CUL9: variants seen among roughly 807,000 people sequenced by gnomAD.
The protein encoded by CUL9 is cullin-9.
CUL9 carries 79 observed loss-of-function variants against 272.6 expected under a neutral mutation model. That is an observed-to-expected ratio of 0.29 (90% CI 0.24 to 0.35). The LOEUF (loss-of-function observed/expected upper bound fraction) is 0.35. CUL9 is among the 10% of genes least tolerant of loss of function. The probability of loss-of-function intolerance (pLI) is 1.00; values close to 1 mark genes in which losing one functional copy is unlikely to be tolerated. For synonymous variants in CUL9, 1,186 were observed against 1,286.5 expected (o/e 0.92, Z 1.67); for missense variants, 2,532 against 3,255.6 (o/e 0.78, Z 5.41).
In CUL9 at chr6:43,206,190, C is replaced by G; in HGVS notation, c.4977C>G (p.Phe1659Leu). The change falls in exon 25 of 41, where the codon TTC (phenylalanine) becomes TTG (leucine). Residue 1659 changes from phenylalanine (F) to leucine (L), a missense_variant. Physicochemically the swap from Phe to Leu is conservative, Grantham distance 22. Coordinates refer to ENST00000252050, the MANE Select transcript of CUL9 (RefSeq NM_015089.4). The surrounding 1 kb of genome is among the most constrained non-coding windows in gnomAD (Gnocchi z 4.8). Reference protein sequence around the residue: ...LFQLQRLDKLFLEQEDEEEKR... With the variant: ...LFQLQRLDKLLLEQEDEEEKR... The stretch of plus-strand genomic sequence containing the variant: ...AGCTCCAGCGGCTCGACAAGTTGTT[C>G]TTGGAGCAGGAAGATGAGGAGGAAA... 6.2e-7 allele frequency: 1 copy of G among 1,612,786 alleles called. No individual in the cohort carries two copies. Among genetic ancestry groups the G allele is most frequent in the Non-Finnish European group, 8.5e-7 (1 of 1,179,506 alleles).
At position 43,184,364 on chromosome 6, in the gene CUL9, G is replaced by A; in HGVS notation, c.54G>A (p.Leu18=). 1.3e-6 allele frequency: 2 copies of A among 1,595,670 alleles called. No homozygotes were observed. Among genetic ancestry groups the A allele is most frequent in the Non-Finnish European group, 1.7e-6 (2 of 1,167,938 alleles). The change falls in exon 2 of 41, where the codon CTG becomes CTA. Residue 18 remains leucine, a synonymous_variant. Coordinates refer to ENST00000252050, the MANE Select transcript of CUL9 (RefSeq NM_015089.4). The surrounding 1 kb of genome is among the most constrained non-coding windows in gnomAD (Gnocchi z 4.8). ...TCATGGTGCCCTTAGGGCCTCGGCT[G>A]CAGGCATATCCTGAAGAACTCATTC... The part of the protein sequence containing the change: ...GDLMVPLGPR[L]QAYPEELIRQ...
chr6:43,187,470 T>G, intron 6 of CUL9, 31 bp downstream of exon 6: 1 of 1,604,582 alleles, frequency 6.2e-7, no homozygotes, highest in Non-Finnish European at 8.5e-7. Flanking sequence ...CTGGGGGTTT[T>G]CTAGTAGGGT....
chr6:43,223,038 T>C lies in CUL9; in HGVS notation c.7150+142T>C, dbSNP rs1776501085. ...CATTCTTCATGGCCTTCTCACTGCC[T>C]GGCTGTTAAAGCTCAGGTCGAAAGC... On this transcript the variant is annotated intron_variant, in intron 38 of 40. Coordinates refer to ENST00000252050, the MANE Select transcript of CUL9 (RefSeq NM_015089.4). This position sits in a 1 kb window ranked among gnomAD's most constrained non-coding sequence, Gnocchi z 4.1. 15 of 900,860 alleles carry C rather than the reference T, an allele frequency of 1.7e-5. No individual in the cohort carries two copies. The highest frequency in any genetic ancestry group is 2.4e-5 in the Admixed American group (1 of 41,374). The allele number at this position is 900,860 out of a possible 1,614,324, so 55.8% of individuals were successfully genotyped here. A position where few individuals can be genotyped will look rare whatever the true frequency, so the allele number is the denominator to read the frequency against.
chr6:43,208,336 G>C (rs537837359), intron 26 of CUL9, among the ~76,000 whole-genome samples: 17 of 152,310 alleles, frequency 1.1e-4, no homozygotes, highest in African/African-American at 4.1e-4. Flanking sequence ...CTCCCGATTA[G>C]CTGGGATTAC....
chr6:43,221,841 C>A lies in CUL9; in HGVS notation c.6846+63C>A. 5 of 1,427,012 alleles carry A rather than the reference C, an allele frequency of 3.5e-6. No individual in the cohort carries two copies. Among genetic ancestry groups the A allele is most frequent in the South Asian group, 1.2e-5 (1 of 85,162 alleles). 88.4% of individuals were successfully genotyped at this position (1,427,012 alleles called of 1,614,324 possible). On this transcript the variant is annotated intron_variant, in intron 35 of 40. Transcript: ENST00000252050. This position sits in a 1 kb window ranked among gnomAD's most constrained non-coding sequence, Gnocchi z 4.2. ...AGCCGTCGGGGAGGGGTGCTGCTAC[C>A]AGGTCCTGGGCAGACAGGGCTCCTT...
intron 36 of CUL9, 46 bp from the exon 37 acceptor site, chr6:43,222,485 G>A: frequency 2.5e-6 from 4 of 1,609,272 alleles, no homozygotes; most frequent in Non-Finnish European, 3.4e-6. Flanking sequence ...CGGGCAGGTG[G>A]TGCTGCGCCA....
chr6:43,221,420 G>C lies in CUL9; in HGVS notation c.6752+99G>C. On this transcript the variant is annotated intron_variant, in intron 34 of 40. Transcript: ENST00000252050. This position sits in a 1 kb window ranked among gnomAD's most constrained non-coding sequence, Gnocchi z 4.2. ...GGGCTTAGTGTAAAGCTCAGCAAAA[G>C]AGGGTGGTTCCTCAGCCGCCCCTCA... 1 of 1,406,186 alleles carries C rather than the reference G, an allele frequency of 7.1e-7. No individual in the cohort carries two copies. The highest frequency in any genetic ancestry group is 9.5e-7 in the Non-Finnish European group (1 of 1,055,528). 87.1% of individuals were successfully genotyped at this position (1,406,186 alleles called of 1,614,324 possible).
At position 43,223,350 on chromosome 6, in the gene CUL9, C is replaced by T. The variant is rs749988405; in HGVS notation, c.7237C>T (p.Arg2413Trp). 4.4e-6 allele frequency: 7 copies of T among 1,601,652 alleles called. No individual in the cohort carries two copies. The highest frequency in any genetic ancestry group is 6.0e-6 in the Non-Finnish European group (7 of 1,173,986). Reference sequence around the variant, plus strand: ...CCTCAGCACGGGCATGGAGCTGCTCCGGCGGATCCAGGAGAGGCTGCTTGC... The same window carrying T: ...CCTCAGCACGGGCATGGAGCTGCTCTGGCGGATCCAGGAGAGGCTGCTTGC... ...DCLSTGMELL[R>W]RIQERLLAIL... Residue 2413 changes from arginine (R) to tryptophan (W), a missense_variant, in exon 39 of 41, where the codon CGG becomes TGG. By Grantham distance (101) the Arg-to-Trp change is moderately radical. Around this residue, in one of 3 missense-constraint regions of CUL9, gnomAD observed 237 missense variants for 305.9 expected, o/e 0.77. Coordinates refer to ENST00000252050, the MANE Select transcript of CUL9 (RefSeq NM_015089.4). This position sits in a 1 kb window ranked among gnomAD's most constrained non-coding sequence, Gnocchi z 4.1.
At position 43,206,059 on chromosome 6, in the gene CUL9, G is replaced by C; in HGVS notation, c.4846G>C (p.Ala1616Pro). ...LSFGSSWLEGAVLEQIGLCFP... is the reference protein window; with the variant it reads ...LSFGSSWLEGPVLEQIGLCFP... ...CTTTGGTTCGAGCTGGCTGGAGGGG[G>C]CTGTGCTAGAGCAGATTGGCCTCTG... is the stretch of plus-strand genomic sequence containing the variant. Residue 1616 changes from alanine to proline, a missense_variant, in exon 25 of 41, where the codon GCT becomes CCT. Ala to Pro is a conservative substitution (Grantham distance 27, BLOSUM62 -1). Transcript: ENST00000252050. This position sits in a 1 kb window ranked among gnomAD's most constrained non-coding sequence, Gnocchi z 4.8. The C allele has an allele frequency of 6.2e-7, 1 of 1,614,156 alleles. No homozygotes were observed. Among genetic ancestry groups the C allele is most frequent in the Non-Finnish European group, 8.5e-7 (1 of 1,180,020 alleles).
chr6:43,216,446 C>T lies in CUL9; in HGVS notation c.6225C>T (p.Ser2075=), dbSNP rs1262249986. The T allele has an allele frequency of 1.2e-6, 2 of 1,607,900 alleles. No individual in the cohort carries two copies. Among genetic ancestry groups the T allele is most frequent in the East Asian group, 2.2e-5 (1 of 44,656 alleles). ...CTGACCACTGCCCCGTCTGTGTGAGCCCCCTGGGGTGTGACGACGACCTGC... is the reference window on the plus strand; with the variant it reads ...CTGACCACTGCCCCGTCTGTGTGAGTCCCCTGGGGTGTGACGACGACCTGC... The part of the protein sequence containing the change: ...VRPDHCPVCV[S]PLGCDDDLPS... Residue 2075 remains serine, a synonymous_variant, in exon 31 of 41, where the codon AGC becomes AGT. Coordinates refer to ENST00000252050, the MANE Select transcript of CUL9 (RefSeq NM_015089.4).
rs1302169063 is a variant in CUL9 at position 43,204,771 on chromosome 6, G to A, written c.4363G>A (p.Asp1455Asn). 6.2e-7 allele frequency: 1 copy of A among 1,614,090 alleles called. No individual in the cohort carries two copies. Among genetic ancestry groups the A allele is most frequent in the African/African-American group, 1.3e-5 (1 of 74,928 alleles). ...RPFSKNSKGR[D>N]RSPAPSPVLP... ...AGTCAGCAAGAACAGCAAGGGTCGG[G>A]ACCGGAGCCCGGCGCCTTCGCCAGT... is the stretch of plus-strand genomic sequence containing the variant. The change falls in exon 22 of 41, where the codon GAC (aspartate) becomes AAC (asparagine). Residue 1455 changes from aspartate (D) to asparagine (N), a missense_variant. Physicochemically the swap from Asp to Asn is conservative, Grantham distance 23 (BLOSUM62 1). Coordinates refer to ENST00000252050, the MANE Select transcript of CUL9 (RefSeq NM_015089.4).
In CUL9 at chr6:43,223,392, G is replaced by T. The variant is rs1220770669; in HGVS notation, c.7279G>T (p.Ala2427Ser). 2.5e-6 allele frequency: 4 copies of T among 1,596,156 alleles called. No individual in the cohort carries two copies. In the South Asian group the frequency reaches 4.5e-5, roughly 18 times the overall value. Reference sequence around the variant, plus strand: ...GCTGCTTGCCATCCTGCAGCATTCTGCCCAGGTACTGCCCGGCCCAGACCC... The same window carrying T: ...GCTGCTTGCCATCCTGCAGCATTCTTCCCAGGTACTGCCCGGCCCAGACCC... ...ERLLAILQHS[A>S]QDFRVGLQSP... Residue 2427 changes from alanine to serine, a missense_variant, in exon 39 of 41, where the codon GCC (alanine) becomes TCC (serine). Around this residue, in one of 3 missense-constraint regions of CUL9, gnomAD observed 237 missense variants for 305.9 expected, o/e 0.77. Coordinates refer to ENST00000252050, the MANE Select transcript of CUL9 (RefSeq NM_015089.4). The surrounding 1 kb of genome is among the most constrained non-coding windows in gnomAD (Gnocchi z 4.1).
At chr6:43,183,207 T>G (rs1464322865) in intron 1 of CUL9, among the ~76,000 whole-genome samples, 9 of 152,168 alleles carry the variant, frequency 5.9e-5, no homozygotes, top group Admixed American at 4.6e-4. Flanking sequence ...ATTTCCTACC[T>G]TTAACCCCAT....
In CUL9 at chr6:43,203,048, AT is replaced by A; in HGVS notation, c.3754-56del. 3 of 1,586,506 alleles carry A rather than the reference AT, an allele frequency of 1.9e-6. No homozygotes were observed. In the South Asian group the frequency reaches 3.3e-5, roughly 18 times the overall value. ...ATGACCGACTTGGTTACTGTCAACA[AT>A]TTTTCCAACCTTGTTTCTGGAGGTG... On this transcript the variant is annotated intron_variant, in intron 17 of 40. Transcript: ENST00000252050. This position sits in a 1 kb window ranked among gnomAD's most constrained non-coding sequence, Gnocchi z 5.0.
chr6:43,186,808 C>T (rs1772958731), intron 4 of CUL9, 152 bp from the exon 5 acceptor site: 1 of 903,666 alleles, frequency 1.1e-6, no homozygotes, highest in South Asian at 1.7e-5. Flanking sequence ...AAGCCTTTTG[C>T]CATATGGGGG....
In CUL9 at chr6:43,223,241, C is replaced by T. The variant is rs919402100; in HGVS notation, c.7151-23C>T. 2.5e-6 allele frequency: 4 copies of T among 1,579,976 alleles called. No homozygotes were observed. In the African/African-American group the frequency reaches 4.0e-5, roughly 16 times the overall value. ...GGATGAGAATGAGAAGGGAGGGAGC[C>T]TCTGTGCCTGCCCCCTCTGCAGAGG... On this transcript the variant is annotated intron_variant, in intron 38 of 40. Coordinates refer to ENST00000252050, the MANE Select transcript of CUL9 (RefSeq NM_015089.4). The surrounding 1 kb of genome is among the most constrained non-coding windows in gnomAD (Gnocchi z 4.1).
rs375018362 is a variant in CUL9, at chr6:43,220,833, G to A, written c.6510G>A (p.Leu2170=). The A allele has an allele frequency of 1.9e-6, 3 of 1,613,630 alleles. No individual in the cohort carries two copies. In the African/African-American group the frequency reaches 4.0e-5, roughly 22 times the overall value. ...CTNPQGCDRI[L]CRQGLGCGTT... Reference sequence around the variant, plus strand: ...ACCCCCAGGGCTGCGACCGCATCCTGTGCCGCCAGGGCCTGGGCTGTGGGA... The same window carrying A: ...ACCCCCAGGGCTGCGACCGCATCCTATGCCGCCAGGGCCTGGGCTGTGGGA... The change falls in exon 33 of 41, where the codon CTG becomes CTA. Residue 2170 remains leucine (L), a synonymous_variant. Coordinates refer to ENST00000252050, the MANE Select transcript of CUL9 (RefSeq NM_015089.4). The surrounding 1 kb of genome is among the most constrained non-coding windows in gnomAD (Gnocchi z 4.9).
chr6:43,215,395 T>C lies in CUL9; in HGVS notation c.5936+69T>C, dbSNP rs1582416382. On this transcript the variant is annotated intron_variant, in intron 30 of 40. Transcript: ENST00000252050. Reference sequence around the variant, plus strand: ...GTCATGCCAAAGCCAAGATCCCTTGTGGAGAAACACTTCCCTTCTTTCTTT... The same window carrying C: ...GTCATGCCAAAGCCAAGATCCCTTGCGGAGAAACACTTCCCTTCTTTCTTT... 9.9e-6 allele frequency: 15 copies of C among 1,511,420 alleles called. No individual in the cohort carries two copies. In the East Asian group the frequency reaches 3.4e-4, roughly 34 times the overall value. 93.6% of individuals were successfully genotyped at this position (1,511,420 alleles called of 1,614,324 possible). A position where few individuals can be genotyped will look rare whatever the true frequency, so the allele number is the denominator to read the frequency against.
intron 24 of CUL9, 119 bp downstream of exon 24, chr6:43,205,542 G>T (rs1419087395): frequency 1.0e-4 from 127 of 1,238,562 alleles, no homozygotes; most frequent in Non-Finnish European, 1.4e-4. Flanking sequence ...AAGATGTGGA[G>T]ATGGCTGGCC....
Sources: gnomAD v4.1 joint callset for allele counts (sites outside exome capture counted in the v4.1 genomes callset) on GRCh38, gnomAD v4.1.1 for gene constraint, gnomAD v4.1.1 regional missense constraint, Gnocchi (gnomAD v3.1) non-coding constraint, MANE v1.5 for transcripts, NCBI Gene and HGNC (gene_info 2026-07-23, HGNC 2026-07-21) for gene names.